TBC1D32: variants seen among roughly 807,000 people sequenced by gnomAD.
TBC1D32 encodes the protein protein broad-minded.
TBC1D32 carries 151 observed loss-of-function variants against 170.3 expected under a neutral mutation model. The observed-to-expected ratio is 0.89, with a 90% CI of 0.78 to 1.01. The LOEUF (loss-of-function observed/expected upper bound fraction) is 1.01. Among genes scored for constraint, TBC1D32 ranks in the 50% least tolerant of loss-of-function variants. The pLI, the probability that TBC1D32 is intolerant of heterozygous loss-of-function variation, is 0.00. For synonymous variants in TBC1D32, 498 were observed against 488.0 expected, an observed-to-expected ratio of 1.02 and a Z score of -0.27; for missense variants, 1,464 against 1,457.1, an observed-to-expected ratio of 1.00 and a Z score of -0.08.
At chr6:121,153,731 G>C (rs1337487333) in intron 24 of TBC1D32, among the ~76,000 whole-genome samples, 1 of 152,168 alleles carries the variant, frequency 6.6e-6, no homozygotes, top group African/African-American at 2.4e-5. Flanking sequence ...GGCTACAGGG[G>C]CTTTGAGGCA....
chr6:121,308,150 T>C lies in TBC1D32; in HGVS notation c.565-49A>G, dbSNP rs761910802. ...TATTAACACTCAGTCACTAAAATAATGCCACTTTTCCAAAACAATATTTAA... is the reference window on the plus strand; with the variant it reads ...TATTAACACTCAGTCACTAAAATAACGCCACTTTTCCAAAACAATATTTAA... On this transcript the variant is annotated intron_variant, in intron 4 of 31. Transcript: ENST00000398212. The C allele has an allele frequency of 3.1e-5, 49 of 1,570,100 alleles. 1 individual carries two copies. In the South Asian group the frequency reaches 5.5e-4, roughly 18 times the overall value.
intron 10 of TBC1D32, among the ~76,000 whole-genome samples, chr6:121,297,057 A>C (rs570469484): frequency 6.6e-6 from 1 of 152,186 alleles, no homozygotes; most frequent in African/African-American, 2.4e-5. Flanking sequence ...ATTTTCTTAA[A>C]CATGCTATCT....
In TBC1D32 at chr6:121,241,514, A is replaced by G; in HGVS notation, c.2196T>C (p.Val732=). ...RHKKFGYGVL[V]TRVASTAAGG... ...CTGCTGCTGTTGATGCCACTCGTGTAACCAAAACTCCATAGCCAAATTTTT... is the reference window on the plus strand; with the variant it reads ...CTGCTGCTGTTGATGCCACTCGTGTGACCAAAACTCCATAGCCAAATTTTT... Residue 732 remains valine (V), a synonymous_variant, in exon 19 of 32, where the codon GTT becomes GTC. Transcript: ENST00000398212. 1.2e-6 allele frequency: 2 copies of G among 1,613,622 alleles called. No homozygotes were observed. Among genetic ancestry groups the G allele is most frequent in the East Asian group, 4.5e-5 (2 of 44,838 alleles).
At chr6:121,188,955 C>G (rs868859269) in intron 22 of TBC1D32, among the ~76,000 whole-genome samples, 7 of 152,156 alleles carry the variant, frequency 4.6e-5, no homozygotes, top group Middle Eastern at 3.4e-3. Flanking sequence ...CAAAAACAAA[C>G]ATATTTGTTT....
At chr6:121,203,679 G>A (rs966144420) in intron 22 of TBC1D32, among the ~76,000 whole-genome samples, 1 of 151,234 alleles carries the variant, frequency 6.6e-6, no homozygotes, top group Admixed American at 6.6e-5. Flanking sequence ...CTTTACAGAT[G>A]AGTAACTGAG....
chr6:121,276,312 A>G (rs1802206369), intron 15 of TBC1D32, among the ~76,000 whole-genome samples: 2 of 152,162 alleles, frequency 1.3e-5, no homozygotes, highest in Non-Finnish European at 2.9e-5. Flanking sequence ...TAAGTGATAC[A>G]GTGTTATTTG....
chr6:121,148,416 T>A (rs1036617016), intron 24 of TBC1D32, among the ~76,000 whole-genome samples: 1 of 152,192 alleles, frequency 6.6e-6, no homozygotes, highest in Non-Finnish European at 1.5e-5. Flanking sequence ...TTCAAGTCTT[T>A]GCTATTGTGA....
chr6:121,257,739 T>C (rs1799231171), intron 15 of TBC1D32, among the ~76,000 whole-genome samples: 1 of 152,192 alleles, frequency 6.6e-6, no homozygotes, highest in African/African-American at 2.4e-5. Context: ...TTTATATACT[T>C]TATGTATGTC....
At chr6:121,128,827 T>A (rs1489831992) in intron 25 of TBC1D32, among the ~76,000 whole-genome samples, 1 of 152,196 alleles carries the variant, frequency 6.6e-6, no homozygotes, top group Non-Finnish European at 1.5e-5. Flanking sequence ...AAGGTCGGTA[T>A]CCCTGAAAAT....
intron 24 of TBC1D32, among the ~76,000 whole-genome samples, chr6:121,144,840 G>A (rs975165839): frequency 2.0e-5 from 3 of 152,076 alleles, no homozygotes; most frequent in Non-Finnish European, 4.4e-5. Flanking sequence ...AAGTTTAAAC[G>A]TTAGAGAGAT....
chr6:121,289,814 G>A (rs1804533350), intron 12 of TBC1D32, among the ~76,000 whole-genome samples: 1 of 151,946 alleles, frequency 6.6e-6, no homozygotes, highest in Non-Finnish European at 1.5e-5. Context: ...TAGACCAATG[G>A]AACAGAACAG....
chr6:121,231,319 T>G (rs1484519088), intron 20 of TBC1D32, among the ~76,000 whole-genome samples: 1 of 152,184 alleles, frequency 6.6e-6, no homozygotes, highest in Non-Finnish European at 1.5e-5. Context: ...CTTTACTCAT[T>G]GATTGATGTG....
At chr6:121,317,741 A>G in intron 2 of TBC1D32, 69 bp from the exon 3 acceptor site, 1 of 1,155,568 alleles carries the variant, frequency 8.7e-7, no homozygotes, top group Non-Finnish European at 1.2e-6. Flanking sequence ...TAGTTAAATT[A>G]TCTAATTTTT....
At chr6:121,273,789 A>G (rs1042531079) in intron 15 of TBC1D32, among the ~76,000 whole-genome samples, 1 of 152,156 alleles carries the variant, frequency 6.6e-6, no homozygotes, top group African/African-American at 2.4e-5. Flanking sequence ...GCCAATCACC[A>G]CTGGCCAATT....
At chr6:121,111,374 C>A (rs1315826015) in intron 29 of TBC1D32, among the ~76,000 whole-genome samples, 3 of 152,082 alleles carry the variant, frequency 2.0e-5, no homozygotes, top group Admixed American at 2.0e-4. Context: ...AAATATTTCA[C>A]AGAAGAATGA....
In TBC1D32 at chr6:121,321,733, C is replaced by G; in HGVS notation, c.217G>C (p.Glu73Gln). Residue 73 changes from glutamate to glutamine, a missense_variant, in exon 2 of 32, where the codon GAA (glutamate) becomes CAA (glutamine). Transcript: ENST00000398212. ...IGNTLGSMIE[E>Q]EMEKCTSDRN... ...TCAGATGTGCATTTTTCCATTTCTTCTTCAATCATAGAACCCAAAGTGTTG... is the reference window on the plus strand; with the variant it reads ...TCAGATGTGCATTTTTCCATTTCTTGTTCAATCATAGAACCCAAAGTGTTG... 6.2e-7 allele frequency: 1 copy of G among 1,613,946 alleles called. No homozygotes were observed. The highest frequency in any genetic ancestry group is 8.5e-7 in the Non-Finnish European group (1 of 1,179,932).
intron 12 of TBC1D32, among the ~76,000 whole-genome samples, chr6:121,287,210 A>AT (rs763985603): frequency 4.6e-5 from 7 of 152,202 alleles, no homozygotes; most frequent in Non-Finnish European, 8.8e-5. Context: ...GGAGTAGCAA[A>AT]TTAGATAAGG....
chr6:121,121,652 TA>T (rs1317503385), intron 26 of TBC1D32, among the ~76,000 whole-genome samples: 1 of 152,078 alleles, frequency 6.6e-6, no homozygotes, highest in Admixed American at 6.6e-5. Context: ...TTAAATGGTT[TA>T]CTCTATTGCC....
intron 22 of TBC1D32, among the ~76,000 whole-genome samples, chr6:121,174,906 C>T (rs1408712433): frequency 6.6e-6 from 1 of 151,686 alleles, no homozygotes; most frequent in African/African-American, 2.4e-5. Flanking sequence ...TGGCACACAC[C>T]CATAGGTCCC....
Sources: gnomAD v4.1 joint callset for allele counts (sites outside exome capture counted in the v4.1 genomes callset) on GRCh38, gnomAD v4.1.1 for gene constraint, MANE v1.5 for transcripts, NCBI Gene and HGNC (gene_info 2026-07-23, HGNC 2026-07-21) for gene names.